Variants in GABRD observed in about 807,000 individuals in gnomAD.
GABRD encodes gamma-aminobutyric acid type A receptor subunit delta, also known as gamma-aminobutyric acid receptor subunit delta.
Under a neutral mutation model 47.3 loss-of-function variants are expected in GABRD, and 25 were observed. The ratio of observed to expected loss-of-function variants is 0.53; its 90% CI spans 0.39 to 0.74. The LOEUF (loss-of-function observed/expected upper bound fraction) is 0.74, where lower values mean the gene tolerates loss of function less well. Among genes scored for constraint, GABRD ranks in the 30% least tolerant of loss-of-function variants. The probability of loss-of-function intolerance (pLI) is 0.00; values close to 1 mark genes in which losing one functional copy is unlikely to be tolerated. For synonymous variants in GABRD, 314 were observed against 278.8 expected (o/e 1.13, Z -1.26); for missense variants, 497 against 643.4 (o/e 0.77, Z 2.46).
chr1:2,025,503 G>T lies in GABRD; in HGVS notation c.250-15G>T. On this transcript the variant is annotated splice_polypyrimidine_tract_variant and intron_variant, in intron 3 of 8. Coordinates refer to ENST00000378585, the MANE Select transcript of GABRD (RefSeq NM_000815.5). ...GGAGCAAGGCTGACCCCCGGCCCCT[G>T]TGCCACCTCCACAGGAGTACACCAT... The T allele has an allele frequency of 6.2e-7, 1 of 1,612,706 alleles. No homozygotes were observed. Among genetic ancestry groups the T allele is most frequent in the Non-Finnish European group, 8.5e-7 (1 of 1,179,756 alleles).
At chr1:2,026,485 C>T (rs1020198474) in intron 4 of GABRD, 1 of 152,236 alleles carries the variant, frequency 6.6e-6, no homozygotes, top group Non-Finnish European at 1.5e-5. Context: ...TGTTTGAAAA[C>T]CTGTTTTCAG....
rs370295640 is a variant in GABRD, at chr1:2,029,270, C to T, written c.847+4C>T. ...GTGCCCGCCAGGGTGTCTCTAGGTA[C>T]GGGGCCTCGCCGCTGCTCCGAGGGA... On this transcript the variant is annotated splice_donor_region_variant and intron_variant, in intron 7 of 8. Coordinates refer to ENST00000378585, the MANE Select transcript of GABRD (RefSeq NM_000815.5). 8.1e-5 allele frequency: 126 copies of T among 1,553,862 alleles called. No individual in the cohort carries two copies. In the Middle Eastern group the frequency reaches 8.4e-4, roughly 10 times the overall value.
chr1:2,030,137 G>C lies in GABRD; in HGVS notation c.1214G>C (p.Gly405Ala), dbSNP rs766337060. Residue 405 changes from glycine (G) to alanine (A), a missense_variant, in exon 9 of 9, where the codon GGG becomes GCG. Coordinates refer to ENST00000378585, the MANE Select transcript of GABRD (RefSeq NM_000815.5). The stretch of plus-strand genomic sequence containing the variant: ...GAGACAGGGGAGACGAAGAAGGAGG[G>C]GGCAGCCCGCTCAGGAGGCCAGGGG... ...GVETGETKKEGAARSGGQGGI... is the reference protein window; with the variant it reads ...GVETGETKKEAAARSGGQGGI... 1.3e-6 allele frequency: 2 copies of C among 1,579,588 alleles called. No individual in the cohort carries two copies. Among genetic ancestry groups the C allele is most frequent in the Admixed American group, 1.8e-5 (1 of 55,564 alleles).
intron 1 of GABRD, 37 bp downstream of exon 1, chr1:2,019,528 G>T: frequency 9.2e-7 from 1 of 1,090,282 alleles, no homozygotes. Flanking sequence ...GGGGTCGGGG[G>T]CGGTGGGGGG....
At chr1:2,029,068 G>A in intron 6 of GABRD, 43 bp from the exon 7 acceptor site, 3 of 1,536,026 alleles carry the variant, frequency 2.0e-6, no homozygotes, top group Non-Finnish European at 2.6e-6. Flanking sequence ...GGTTGGGCTG[G>A]GCTGGGCAGG....
At chr1:2,029,941 C>T (rs1659037280) in intron 8 of GABRD, 42 bp from the exon 9 acceptor site, 3 of 1,604,932 alleles carry the variant, frequency 1.9e-6, no homozygotes, top group Admixed American at 3.4e-5. Context: ...GGGAGCTGCA[C>T]CCCAGTGCTC....
At chr1:2,019,571 C>A (rs1658717757) in intron 1 of GABRD, 80 bp downstream of exon 1, 6 of 885,006 alleles carry the variant, frequency 6.8e-6, no homozygotes, top group South Asian at 5.4e-5. Flanking sequence ...GCTGGGAGAG[C>A]GGCCGGCGCG....
At position 2,025,826 on chromosome 1, in the gene GABRD, G is replaced by A. The variant is rs577169800; in HGVS notation, c.470+88G>A. ...GACGCTCCAAGGCTTGGAAAAGCTCGAGCGGCTTCTGCTGCCGGGAGCTGG... is the reference window on the plus strand; with the variant it reads ...GACGCTCCAAGGCTTGGAAAAGCTCAAGCGGCTTCTGCTGCCGGGAGCTGG... On this transcript the variant is annotated intron_variant, in intron 4 of 8. Transcript: ENST00000378585. The A allele has an allele frequency of 8.0e-4, 992 of 1,243,812 alleles. 10 individuals carry two copies. Among genetic ancestry groups the A allele is most frequent in the African/African-American group, 7.5e-5 (5 of 67,080 alleles). The allele number at this position is 1,243,812 out of a possible 1,614,324, so 77.0% of individuals were successfully genotyped here.
At position 2,028,394 on chromosome 1, in the gene GABRD, G is replaced by GCC. The variant is rs1658991607; in HGVS notation, c.691+103_691+104dup. ...CCCACCGCCCCTTCCGCGTGCGCCC[G>GCC]CCTGTGGTTTTCATGCTTTTTAGTC... On this transcript the variant is annotated intron_variant, in intron 6 of 8. Coordinates refer to ENST00000378585, the MANE Select transcript of GABRD (RefSeq NM_000815.5). The surrounding 1 kb of genome is among the most constrained non-coding windows in gnomAD (Gnocchi z 6.4). 7 of 1,238,856 alleles carry GCC rather than the reference G, an allele frequency of 5.7e-6. No homozygotes were observed. The highest frequency in any genetic ancestry group is 1.7e-5 in the African/African-American group (1 of 60,278). The allele number at this position is 1,238,856 out of a possible 1,614,324, so 76.7% of individuals were successfully genotyped here. A position where few individuals can be genotyped will look rare whatever the true frequency, so the allele number is the denominator to read the frequency against.
intron 1 of GABRD, among the ~76,000 whole-genome samples, chr1:2,022,931 C>T (rs1285625797): frequency 6.6e-6 from 1 of 152,182 alleles, no homozygotes; most frequent in Non-Finnish European, 1.5e-5. Context: ...CTTTGAAAGG[C>T]CAGTGTGTAA....
chr1:2,028,177 C>T lies in GABRD; in HGVS notation c.576C>T (p.Ile192=), dbSNP rs372741387. Residue 192 remains isoleucine, a synonymous_variant, in exon 6 of 9, where the codon ATC becomes ATT. Coordinates refer to ENST00000378585, the MANE Select transcript of GABRD (RefSeq NM_000815.5). The surrounding 1 kb of genome is among the most constrained non-coding windows in gnomAD (Gnocchi z 6.4). The part of the protein sequence containing the change: ...LESYGYSSED[I]VYYWSESQEH... Reference sequence around the variant, plus strand: ...CAGACGGTTACTCATCGGAGGACATCGTCTACTACTGGTCGGAGAGCCAGG... The same window carrying T: ...CAGACGGTTACTCATCGGAGGACATTGTCTACTACTGGTCGGAGAGCCAGG... 1.7e-5 allele frequency: 27 copies of T among 1,611,738 alleles called. No individual in the cohort carries two copies. Among genetic ancestry groups the T allele is most frequent in the East Asian group, 6.7e-5 (3 of 44,848 alleles).
chr1:2,024,884 G>C (rs750935981), intron 1 of GABRD, 58 bp from the exon 2 acceptor site: 44 of 1,294,994 alleles, frequency 3.4e-5, no homozygotes, highest in Non-Finnish European at 4.2e-5. Context: ...AAGGGACCCA[G>C]GCTCAGTGGA....
intron 1 of GABRD, among the ~76,000 whole-genome samples, chr1:2,020,939 G>T (rs924312721): frequency 2.0e-5 from 3 of 152,250 alleles, no homozygotes; most frequent in African/African-American, 7.2e-5. Flanking sequence ...CCCAGCCACA[G>T]CCTCTGTGTC....
At chr1:2,027,769 C>G in intron 5 of GABRD, 110 bp downstream of exon 5, 1 of 972,076 alleles carries the variant, frequency 1.0e-6, no homozygotes. Flanking sequence ...CAGGAAAGCA[C>G]CAAACCAGCT....
intron 1 of GABRD, among the ~76,000 whole-genome samples, chr1:2,019,946 A>G (rs1349992849): frequency 6.6e-6 from 1 of 152,134 alleles, no homozygotes; most frequent in Non-Finnish European, 1.5e-5. Flanking sequence ...GAGCTTCCCC[A>G]GCCGGAGGGT....
At chr1:2,020,786 A>T (rs1054666743) in intron 1 of GABRD, among the ~76,000 whole-genome samples, 2 of 152,204 alleles carry the variant, frequency 1.3e-5, no homozygotes, top group Admixed American at 1.3e-4. Flanking sequence ...CTGAAACCCC[A>T]AAGTTTTAGC....
chr1:2,025,335 C>A lies in GABRD; in HGVS notation c.183C>A (p.Gly61=), dbSNP rs763438785. Residue 61 remains glycine (G), a splice_region_variant and synonymous_variant, in exon 3 of 9, where the codon GGC becomes GGA. Coordinates refer to ENST00000378585, the MANE Select transcript of GABRD (RefSeq NM_000815.5). ...YARNFRPGIG[G]PPVNVALALE... ...CTTAGTTCTGCTCTTTCCTTGCAGGCCCCCCCGTGAATGTGGCCCTTGCCC... is the reference window on the plus strand; with the variant it reads ...CTTAGTTCTGCTCTTTCCTTGCAGGACCCCCCGTGAATGTGGCCCTTGCCC... 8 of 1,612,952 alleles carry A rather than the reference C, an allele frequency of 5.0e-6. No individual in the cohort carries two copies. The highest frequency in any genetic ancestry group is 1.7e-5 in the Admixed American group (1 of 60,028).
chr1:2,025,393 G>A lies in GABRD; in HGVS notation c.241G>A (p.Ala81Thr). 6.2e-7 allele frequency: 1 copy of A among 1,613,002 alleles called. No individual in the cohort carries two copies. Among genetic ancestry groups the A allele is most frequent in the Non-Finnish European group, 8.5e-7 (1 of 1,179,996 alleles). The change falls in exon 3 of 9, where the codon GCC (alanine) becomes ACC (threonine). Residue 81 changes from alanine to threonine, a missense_variant. Transcript: ENST00000378585. ...EVASIDHISEANMEYTMTVFL... is the reference protein window; with the variant it reads ...EVASIDHISETNMEYTMTVFL... ...GGCCAGCATCGACCACATCTCAGAG[G>A]CCAACATGGTAGGTGCCACCAGCCT...
intron 1 of GABRD, among the ~76,000 whole-genome samples, chr1:2,021,218 C>T (rs1285316019): frequency 6.6e-6 from 1 of 152,256 alleles, no homozygotes; most frequent in Middle Eastern, 3.2e-3. Flanking sequence ...TACCACCTGG[C>T]TGCATGCTGC....
Sources: gnomAD v4.1 joint callset for allele counts (sites outside exome capture counted in the v4.1 genomes callset) on GRCh38, gnomAD v4.1.1 for gene constraint, Gnocchi (gnomAD v3.1) non-coding constraint, MANE v1.5 for transcripts, NCBI Gene and HGNC (gene_info 2026-07-23, HGNC 2026-07-21) for gene names.